Variants in TJP1 observed in about 807,000 individuals in gnomAD.
TJP1 encodes tight junction protein ZO-1.
A neutral mutation model predicts 194.2 loss-of-function variants in TJP1; 43 were observed. The ratio of observed to expected loss-of-function variants is 0.22; its 90% CI spans 0.17 to 0.29. The LOEUF (loss-of-function observed/expected upper bound fraction) is 0.29, where lower values mean the gene tolerates loss of function less well. Among genes scored for constraint, TJP1 ranks in the 10% least tolerant of loss-of-function variants. The pLI is 1.00. For missense variants in TJP1, 1,971 were observed against 2,185.7 expected (o/e 0.90, Z 1.96); for synonymous variants, 801 against 779.0 (o/e 1.03, Z -0.47).
chr15:29,907,481 A>G (rs1344724104), intron 2 of TJP1, among the ~76,000 whole-genome samples: 2 of 152,186 alleles, frequency 1.3e-5, no homozygotes, highest in South Asian at 2.1e-4. Flanking sequence ...GGCATAGAAA[A>G]CACTACACTA....
At chr15:29,819,805 C>T (rs1033453431) in intron 1 of TJP1, among the ~76,000 whole-genome samples, 4 of 152,160 alleles carry the variant, frequency 2.6e-5, no homozygotes, top group African/African-American at 9.7e-5. Context: ...ATTCCAGTAG[C>T]TCACCAATAT....
intron 2 of TJP1, among the ~76,000 whole-genome samples, chr15:29,878,102 T>G (rs757254889): frequency 1.3e-5 from 2 of 152,090 alleles, no homozygotes; most frequent in Admixed American, 6.5e-5. Context: ...CAGGCTGGAG[T>G]GCAGTGGTGC....
chr15:29,950,459 C>G (rs1200217886), intron 2 of TJP1, among the ~76,000 whole-genome samples: 1 of 152,196 alleles, frequency 6.6e-6, no homozygotes, highest in African/African-American at 2.4e-5. Flanking sequence ...ACCACCAACT[C>G]CACCTCCACC....
chr15:29,822,196 C>G lies in TJP1; in HGVS notation c.-168G>C. The stretch of plus-strand genomic sequence containing the variant: ...CCAGGGGGAGGGAATTCAACTCGGA[C>G]AAAAGTCCGGGAAGCGCCCGCCCCG... On this transcript the variant is annotated 5_prime_UTR_variant, in exon 1 of 28. Coordinates refer to ENST00000614355, the MANE Select transcript of TJP1 (RefSeq NM_001330239.4). 8.5e-7 allele frequency: 1 copy of G among 1,177,984 alleles called. No homozygotes were observed. Among genetic ancestry groups the G allele is most frequent in the Non-Finnish European group, 1.0e-6 (1 of 953,168 alleles). The allele number at this position is 1,177,984 out of a possible 1,614,324, so 73.0% of individuals were successfully genotyped here. A position where few individuals can be genotyped will look rare whatever the true frequency, so the allele number is the denominator to read the frequency against.
chr15:29,783,342 CA>C (rs779746407), intron 2 of TJP1, among the ~76,000 whole-genome samples: 6 of 149,968 alleles, frequency 4.0e-5, no homozygotes, highest in Admixed American at 1.3e-4. Context: ...TAAAAAAAGT[CA>C]AAAAAAAATA....
In TJP1 at chr15:29,718,399, G is replaced by A. The variant is rs767270448; in HGVS notation, c.3743C>T (p.Pro1248Leu). The change falls in exon 21 of 28, where the codon CCA (proline) becomes CTA (leucine). Residue 1248 changes from proline (P) to leucine (L), a missense_variant. Pro to Leu is a moderately conservative substitution (Grantham distance 98, BLOSUM62 -3). Around this residue, in one of 5 missense-constraint regions of TJP1, gnomAD observed 1,108 missense variants for 1,128.5 expected, o/e 0.98. Transcript: ENST00000614355. The part of the protein sequence containing the change: ...PSNTKPLPPP[P>L]TQTEEEEDPA... ...ATCTTCCTCTTCTTCGGTTTGAGTT[G>A]GGGGTGGAGGCAGTGGTTTGGTGTT... is the stretch of plus-strand genomic sequence containing the variant. 1 of 1,614,130 alleles carries A rather than the reference G, an allele frequency of 6.2e-7. No individual in the cohort carries two copies. The highest frequency in any genetic ancestry group is 2.2e-5 in the East Asian group (1 of 44,876).
intron 1 of TJP1, among the ~76,000 whole-genome samples, chr15:29,809,741 G>C (rs2049358303): frequency 6.6e-6 from 1 of 151,992 alleles, no homozygotes; most frequent in Non-Finnish European, 1.5e-5. Context: ...AGCTACTCAG[G>C]AGGCTGAGGC....
chr15:29,830,785 A>C (rs1038697486), intron 2 of TJP1, among the ~76,000 whole-genome samples: 2 of 152,124 alleles, frequency 1.3e-5, no homozygotes, highest in Non-Finnish European at 2.9e-5. Context: ...TGTAATCTCC[A>C]ACTAGGAACA....
In TJP1 at chr15:29,792,281, C is replaced by T. The variant is rs566746007; in HGVS notation, c.84+8365G>A. Reference sequence around the variant, plus strand: ...ATCCATTTTGATTTGTTTTAGTATACGGCAAGAAATAGGGGTCCAGTTTCA... The same window carrying T: ...ATCCATTTTGATTTGTTTTAGTATATGGCAAGAAATAGGGGTCCAGTTTCA... On this transcript the variant is annotated intron_variant, in intron 2 of 27. Coordinates refer to ENST00000614355, the MANE Select transcript of TJP1 (RefSeq NM_001330239.4). Among the ~76,000 whole-genome samples, 19 of 152,242 alleles carry T rather than the reference C, an allele frequency of 1.2e-4. 1 individual carries two copies. The highest frequency in any genetic ancestry group is 4.1e-4 in the South Asian group (2 of 4,822).
chr15:29,809,662 C>T (rs1485574430), intron 1 of TJP1, among the ~76,000 whole-genome samples: 3 of 151,984 alleles, frequency 2.0e-5, no homozygotes, highest in African/African-American at 7.3e-5. Context: ...CTGGCCAACA[C>T]GGTGAAACCC....
At chr15:29,781,979 G>A (rs1385995151) in intron 2 of TJP1, among the ~76,000 whole-genome samples, 1 of 152,048 alleles carries the variant, frequency 6.6e-6, no homozygotes, top group Non-Finnish European at 1.5e-5. Flanking sequence ...AGAGCAATTA[G>A]GTAAGAGAAA....
intron 2 of TJP1, among the ~76,000 whole-genome samples, chr15:29,847,321 C>T (rs1206864448): frequency 6.6e-6 from 1 of 152,076 alleles, no homozygotes. Flanking sequence ...AGCCAAGAAC[C>T]AGCCTTTTGA....
chr15:29,942,016 T>C (rs909920510), intron 2 of TJP1, among the ~76,000 whole-genome samples: 1 of 152,180 alleles, frequency 6.6e-6, no homozygotes, highest in African/African-American at 2.4e-5. Context: ...GTCTCAGCCC[T>C]AGACAGAGAG....
chr15:29,746,423 T>C (rs2044786564), intron 8 of TJP1, among the ~76,000 whole-genome samples: 1 of 150,702 alleles, frequency 6.6e-6, no homozygotes, highest in Non-Finnish European at 1.5e-5. Context: ...AAATGCCAAA[T>C]AAGACACACA....
chr15:29,899,373 A>G (rs2053571002), intron 2 of TJP1, among the ~76,000 whole-genome samples: 1 of 152,236 alleles, frequency 6.6e-6, no homozygotes, highest in South Asian at 2.1e-4. Flanking sequence ...TTCTGCTCTC[A>G]ATTAAGTGAA....
At chr15:29,934,339 A>C (rs1188086426) in intron 2 of TJP1, among the ~76,000 whole-genome samples, 1 of 152,242 alleles carries the variant, frequency 6.6e-6, no homozygotes. Context: ...AAGGTACAGC[A>C]TTAAGAGCAA....
intron 2 of TJP1, among the ~76,000 whole-genome samples, chr15:29,913,913 A>G (rs1005642211): frequency 6.6e-6 from 1 of 152,234 alleles, no homozygotes; most frequent in African/African-American, 2.4e-5. Context: ...GATGTACTAC[A>G]GAGGACCGTA....
chr15:29,956,835 G>T (rs1479149094), intron 1 of TJP1, among the ~76,000 whole-genome samples: 1 of 152,118 alleles, frequency 6.6e-6, no homozygotes, highest in Non-Finnish European at 1.5e-5. Flanking sequence ...GCTACAGTGA[G>T]CCACCACTGC....
chr15:29,838,769 A>C (rs1261340545), intron 2 of TJP1, among the ~76,000 whole-genome samples: 1 of 151,866 alleles, frequency 6.6e-6, no homozygotes, highest in Non-Finnish European at 1.5e-5. Flanking sequence ...GCCTACACCC[A>C]TCCTCTCTCC....
Sources: gnomAD v4.1 joint callset for allele counts (sites outside exome capture counted in the v4.1 genomes callset) on GRCh38, gnomAD v4.1.1 for gene constraint, gnomAD v4.1.1 regional missense constraint, MANE v1.5 for transcripts, NCBI Gene and HGNC (gene_info 2026-07-23, HGNC 2026-07-21) for gene names.